The following DYM variants were observed in gnomAD, a reference collection of about 807,000 sequenced individuals.
DYM encodes dyggve-Melchior-Clausen syndrome protein.
In DYM, 78 loss-of-function variants were observed where a neutral mutation model predicts 93.1. The ratio of observed to expected loss-of-function variants is 0.84; its 90% CI spans 0.70 to 1.01. The LOEUF (loss-of-function observed/expected upper bound fraction) is 1.01, where lower values mean the gene tolerates loss of function less well. DYM is among the 50% of genes least tolerant of loss of function. The pLI is 0.00. For missense variants in DYM, 789 were observed against 845.0 expected (o/e 0.93, Z 0.82); for synonymous variants, 321 against 319.7 (o/e 1.00, Z -0.04).
chr18:49,287,802 G>A (rs756196836), intron 8 of DYM, among the ~76,000 whole-genome samples: 56 of 135,858 alleles, frequency 4.1e-4, no homozygotes, highest in African/African-American at 1.6e-3. Context: ...CTGAGATCGC[G>A]CCACAACAAG....
chr18:49,345,129 A>G (rs2064470380), intron 6 of DYM, among the ~76,000 whole-genome samples: 1 of 152,178 alleles, frequency 6.6e-6, no homozygotes, highest in South Asian at 2.1e-4. Flanking sequence ...AGAATACACA[A>G]GGCCCATGCT....
chr18:49,375,929 T>C (rs1307430226), intron 5 of DYM, among the ~76,000 whole-genome samples: 1 of 152,190 alleles, frequency 6.6e-6, no homozygotes, highest in Non-Finnish European at 1.5e-5. Flanking sequence ...CCTCAAACAC[T>C]GGACTCCAGA....
At chr18:49,095,153 G>A (rs2079430592) in intron 17 of DYM, among the ~76,000 whole-genome samples, 2 of 152,034 alleles carry the variant, frequency 1.3e-5, no homozygotes, top group African/African-American at 4.8e-5. Context: ...CTGTCATGTA[G>A]TATCATGTAA....
intron 17 of DYM, among the ~76,000 whole-genome samples, chr18:49,074,516 C>G (rs2077147126): frequency 6.6e-6 from 1 of 152,164 alleles, no homozygotes. Context: ...CCATTTCAAA[C>G]TTTAATTGTC....
chr18:49,449,356 A>C (rs2082343330), intron 1 of DYM, among the ~76,000 whole-genome samples: 1 of 152,212 alleles, frequency 6.6e-6, no homozygotes, highest in Non-Finnish European at 1.5e-5. Context: ...TAAAACGAAA[A>C]GAGAAAATAG....
chr18:49,126,405 A>G (rs1001024178), intron 15 of DYM: 1 of 152,226 alleles, frequency 6.6e-6, no homozygotes, highest in African/African-American at 2.4e-5. Flanking sequence ...CAGTTACTTG[A>G]ATCTTCAACT....
At chr18:49,264,680 C>T (rs1568131107) in intron 11 of DYM, among the ~76,000 whole-genome samples, 1 of 151,996 alleles carries the variant, frequency 6.6e-6, no homozygotes, top group Non-Finnish European at 1.5e-5. Flanking sequence ...CTTTGTGTTA[C>T]GTATAAGCAC....
At chr18:49,209,154 A>G (rs2092665435) in intron 14 of DYM, among the ~76,000 whole-genome samples, 1 of 152,228 alleles carries the variant, frequency 6.6e-6, no homozygotes, top group Non-Finnish European at 1.5e-5. Context: ...CATAGGTGAA[A>G]TCCTACAGCT....
chr18:49,217,160 C>G lies in DYM; in HGVS notation c.1461-7445G>C, dbSNP rs570276361. Among the ~76,000 whole-genome samples the G allele has an allele frequency of 3.8e-4, 57 of 151,948 alleles. No individual in the cohort carries two copies. In the East Asian group the frequency reaches 9.1e-3, roughly 24 times the overall value. Reference sequence around the variant, plus strand: ...ACTGGAAGAAAGGGTATCAGTGATGCAAGATGAAATGAATGAAATGAAGTG... The same window carrying G: ...ACTGGAAGAAAGGGTATCAGTGATGGAAGATGAAATGAATGAAATGAAGTG... On this transcript the variant is annotated intron_variant, in intron 13 of 17. Coordinates refer to ENST00000675505, the MANE Select transcript of DYM (RefSeq NM_001353214.3).
rs187245409 is a variant in DYM at position 49,162,717 on chromosome 18, G to T, written c.1728+968C>A. On this transcript the variant is annotated intron_variant, in intron 15 of 17. Coordinates refer to ENST00000675505, the MANE Select transcript of DYM (RefSeq NM_001353214.3). ...TGCTGCTCTCTTCTGACCATGTCTG[G>T]TAAGACTGGAGTCACACCCTGATGA... Among the ~76,000 whole-genome samples the T allele has an allele frequency of 2.0e-4, 31 of 152,288 alleles. No individual in the cohort carries two copies. In the East Asian group the frequency reaches 5.4e-3, roughly 27 times the overall value.
chr18:49,412,288 CA>C (rs915899052), intron 2 of DYM, among the ~76,000 whole-genome samples: 1 of 147,590 alleles, frequency 6.8e-6, no homozygotes, highest in Non-Finnish European at 1.5e-5. Context: ...GAAGAGGAAT[CA>C]AGGGTGCACC....
chr18:49,238,289 A>G (rs1016519101), intron 13 of DYM, among the ~76,000 whole-genome samples: 3 of 152,172 alleles, frequency 2.0e-5, no homozygotes, highest in African/African-American at 7.2e-5. Flanking sequence ...AGCTATATTT[A>G]AGAGCTATGT....
At position 49,381,354 on chromosome 18, in the gene DYM, C is replaced by T. The variant is rs145714599; in HGVS notation, c.194-1596G>A. ...AGCATTACAGCATACCTGCATTGTG[C>T]TTACTAACTGCCAAGCTCACTCCCT... On this transcript the variant is annotated intron_variant, in intron 3 of 17. Transcript: ENST00000675505. Among the ~76,000 whole-genome samples, 1,491 of 152,234 alleles carry T rather than the reference C, an allele frequency of 9.8e-3. 49 individuals carry two copies. The highest frequency in any genetic ancestry group is 0.072 in the Admixed American group (1,107 of 15,278).
intron 17 of DYM, among the ~76,000 whole-genome samples, chr18:49,073,567 A>T (rs543933539): frequency 6.6e-6 from 1 of 152,342 alleles, no homozygotes; most frequent in South Asian, 2.1e-4. Flanking sequence ...ACAAAATCTG[A>T]AACGAGTGAG....
At chr18:49,248,684 C>T (rs528930207) in intron 13 of DYM, among the ~76,000 whole-genome samples, 3 of 151,330 alleles carry the variant, frequency 2.0e-5, no homozygotes, top group South Asian at 2.1e-4. Flanking sequence ...AAATGGCATT[C>T]GTCTGCAATA....
intron 2 of DYM, among the ~76,000 whole-genome samples, chr18:49,405,587 T>C (rs909707074): frequency 3.9e-5 from 6 of 152,318 alleles, no homozygotes; most frequent in African/African-American, 1.2e-4. Flanking sequence ...TTCTGTTCCA[T>C]TGGTCTGTTT....
intron 8 of DYM, among the ~76,000 whole-genome samples, chr18:49,311,224 A>G (rs1024009703): frequency 2.6e-5 from 4 of 152,332 alleles, no homozygotes; most frequent in Admixed American, 2.0e-4. Flanking sequence ...GGAACTGAGG[A>G]TCAACAGGCA....
intron 14 of DYM, among the ~76,000 whole-genome samples, chr18:49,182,850 T>C (rs1383623850): frequency 6.6e-6 from 1 of 152,202 alleles, no homozygotes; most frequent in Admixed American, 6.5e-5. Context: ...TGATGCCCAG[T>C]GTCTCCAAAG....
chr18:49,280,768 C>T (rs1267164342), intron 10 of DYM, among the ~76,000 whole-genome samples: 1 of 152,162 alleles, frequency 6.6e-6, no homozygotes, highest in Non-Finnish European at 1.5e-5. Flanking sequence ...AATAAATTTG[C>T]CCTCTTGGGA....
Sources: gnomAD v4.1 joint callset for allele counts (sites outside exome capture counted in the v4.1 genomes callset) on GRCh38, gnomAD v4.1.1 for gene constraint, MANE v1.5 for transcripts, NCBI Gene and HGNC (gene_info 2026-07-23, HGNC 2026-07-21) for gene names.